KIF16B: variants seen among roughly 807,000 people sequenced by gnomAD.
KIF16B encodes the protein kinesin-like protein KIF16B.
A neutral mutation model predicts 156.3 loss-of-function variants in KIF16B; 98 were observed. The ratio of observed to expected loss-of-function variants is 0.63; its 90% CI spans 0.53 to 0.74. KIF16B has a LOEUF of 0.74. Among genes scored for constraint, KIF16B ranks in the 30% least tolerant of loss-of-function variants. The pLI is 0.00. For synonymous variants in KIF16B, 564 were observed against 583.7 expected (o/e 0.97, Z 0.49); for missense variants, 1,421 against 1,606.5 (o/e 0.88, Z 1.97).
chr20:16,361,854 T>C (rs2064558116), intron 22 of KIF16B, among the ~76,000 whole-genome samples: 1 of 152,222 alleles, frequency 6.6e-6, no homozygotes, highest in Non-Finnish European at 1.5e-5. Context: ...CCGACCAACA[T>C]TGTTTCAAGG....
At chr20:16,374,114 A>T (rs2064886339) in intron 20 of KIF16B, 143 bp downstream of exon 20, 2 of 772,114 alleles carry the variant, frequency 2.6e-6, no homozygotes, top group Admixed American at 7.4e-5. Context: ...CCAATGGCAG[A>T]TGAAGGCAGA....
chr20:16,377,747 C>A (rs1428737869), intron 19 of KIF16B, among the ~76,000 whole-genome samples: 1 of 152,150 alleles, frequency 6.6e-6, no homozygotes, highest in African/African-American at 2.4e-5. Context: ...ACCCAGGTGG[C>A]TGTTGGCCTT....
intron 25 of KIF16B, among the ~76,000 whole-genome samples, chr20:16,274,372 G>A (rs908809224): frequency 6.6e-6 from 1 of 152,206 alleles, no homozygotes; most frequent in Non-Finnish European, 1.5e-5. Flanking sequence ...CAAAGCATAT[G>A]TGAGACTAGG....
intron 12 of KIF16B, among the ~76,000 whole-genome samples, chr20:16,464,110 T>A (rs777352578): frequency 5.3e-5 from 8 of 152,168 alleles, no homozygotes; most frequent in Non-Finnish European, 1.2e-4. Flanking sequence ...TAATAATTAG[T>A]TATCAAAAGG....
At position 16,429,873 on chromosome 20, in the gene KIF16B, T is replaced by C. The variant is rs991694607; in HGVS notation, c.1412A>G (p.Tyr471Cys). ...TTAATCAGTTTCTACCTTTAAATGA[T>C]ATAAGATGATTCCAGTACTCAAAAG... The part of the protein sequence containing the change: ...DDLLSTGIIL[Y>C]HLKEGQTYVG... Residue 471 changes from tyrosine to cysteine, a missense_variant, in exon 13 of 26, where the codon TAT becomes TGT. By Grantham distance (194) the Tyr-to-Cys change is radical (BLOSUM62 -2). Transcript: ENST00000354981. 3.1e-6 allele frequency: 5 copies of C among 1,609,968 alleles called. No homozygotes were observed. The highest frequency in any genetic ancestry group is 4.2e-6 in the Non-Finnish European group (5 of 1,178,666).
At chr20:16,320,994 C>T (rs912398757) in intron 24 of KIF16B, among the ~76,000 whole-genome samples, 2 of 152,062 alleles carry the variant, frequency 1.3e-5, no homozygotes, top group African/African-American at 2.4e-5. Flanking sequence ...TCTTTCACTT[C>T]TGTTCAAGTA....
intron 23 of KIF16B, among the ~76,000 whole-genome samples, chr20:16,339,926 T>C (rs911651517): frequency 7.2e-5 from 11 of 152,196 alleles, no homozygotes; most frequent in Non-Finnish European, 1.6e-4. Context: ...TTCATTTTTT[T>C]CTCAACACAG....
chr20:16,402,860 A>C (rs2065689405), intron 17 of KIF16B, among the ~76,000 whole-genome samples: 1 of 152,196 alleles, frequency 6.6e-6, no homozygotes, highest in African/African-American at 2.4e-5. Context: ...GCATTTTGTA[A>C]ACACTGAGGA....
chr20:16,321,238 TA>T (rs2063768600), intron 24 of KIF16B, among the ~76,000 whole-genome samples: 1 of 152,130 alleles, frequency 6.6e-6, no homozygotes, highest in African/African-American at 2.4e-5. Context: ...TTTTTTCTTA[TA>T]TTTCCTTGTA....
chr20:16,472,608 G>A (rs904535422), intron 12 of KIF16B, among the ~76,000 whole-genome samples: 19 of 145,962 alleles, frequency 1.3e-4, no homozygotes, highest in African/African-American at 4.8e-4. Context: ...CAGGAACAGA[G>A]AGACTCCCAC....
intron 12 of KIF16B, among the ~76,000 whole-genome samples, chr20:16,471,426 A>G (rs2067659733): frequency 6.6e-6 from 1 of 152,198 alleles, no homozygotes; most frequent in South Asian, 2.1e-4. Context: ...ATAAGTGCTG[A>G]CACAGGTATG....
chr20:16,556,182 G>A lies in KIF16B; in HGVS notation c.47+17047C>T, dbSNP rs539567215. On this transcript the variant is annotated intron_variant, in intron 1 of 25. Transcript: ENST00000354981. ...ATCTCAGCACTAGAAGAAACTTACAGGTCACTTGGGTGCAACTTCTTTACA... is the reference window on the plus strand; with the variant it reads ...ATCTCAGCACTAGAAGAAACTTACAAGTCACTTGGGTGCAACTTCTTTACA... 6.6e-5 allele frequency among the ~76,000 whole-genome samples: 10 copies of A among 152,264 alleles called. No homozygotes were observed. In the South Asian group the frequency reaches 2.1e-3, roughly 32 times the overall value.
At chr20:16,367,648 T>A (rs775012693) in intron 22 of KIF16B, 9 of 1,612,582 alleles carry the variant, frequency 5.6e-6, no homozygotes, top group Non-Finnish European at 7.6e-6. Flanking sequence ...GTAAATCATG[T>A]CAACCAAGGT....
At chr20:16,530,285 C>G (rs1196666292) in intron 1 of KIF16B, among the ~76,000 whole-genome samples, 3 of 152,188 alleles carry the variant, frequency 2.0e-5, no homozygotes, top group Non-Finnish European at 4.4e-5. Flanking sequence ...TTGCCCTTGA[C>G]TATGGGCTGG....
In KIF16B at chr20:16,304,361, A is replaced by G. The variant is rs533758974; in HGVS notation, c.3795+7974T>C. On this transcript the variant is annotated intron_variant, in intron 25 of 25. Transcript: ENST00000354981. ...GTTGTATAAAATGATTTGACAGGCAATTAGCCTCAGGATTGCAGCATCTTC... is the reference window on the plus strand; with the variant it reads ...GTTGTATAAAATGATTTGACAGGCAGTTAGCCTCAGGATTGCAGCATCTTC... Among the ~76,000 whole-genome samples, 16 of 152,308 alleles carry G rather than the reference A, an allele frequency of 1.1e-4. No homozygotes were observed. In the East Asian group the frequency reaches 2.1e-3, roughly 20 times the overall value.
At chr20:16,543,126 A>G (rs2070268226) in intron 1 of KIF16B, among the ~76,000 whole-genome samples, 1 of 152,210 alleles carries the variant, frequency 6.6e-6, no homozygotes, top group Admixed American at 6.5e-5. Flanking sequence ...TCTGATGGTC[A>G]ACTGGGTTTG....
rs1317259206 is a variant in KIF16B, at chr20:16,312,370, C to T, written c.3760G>A (p.Glu1254Lys). ...CTTCGTCTCTCAGCAATCACACGTT[C>T]ATCCTTATTTCCAAATAGTTTCTTT... ...PPKKLFGNKD[E>K]RVIAERRSHL... Residue 1254 changes from glutamate (E) to lysine (K), a missense_variant, in exon 25 of 26, where the codon GAA becomes AAA. Physicochemically the swap from Glu to Lys is moderately conservative, Grantham distance 56. Transcript: ENST00000354981. The T allele has an allele frequency of 6.2e-7, 1 of 1,613,626 alleles. No individual in the cohort carries two copies. Among genetic ancestry groups the T allele is most frequent in the African/African-American group, 1.3e-5 (1 of 75,058 alleles).
intron 1 of KIF16B, among the ~76,000 whole-genome samples, chr20:16,565,784 A>G (rs1198172131): frequency 1.3e-5 from 2 of 152,104 alleles, no homozygotes; most frequent in Non-Finnish European, 2.9e-5. Context: ...ACGCCCTTCT[A>G]CCCACCCCAA....
chr20:16,472,751 A>C (rs1445069448), intron 12 of KIF16B, among the ~76,000 whole-genome samples: 1 of 152,040 alleles, frequency 6.6e-6, no homozygotes, highest in Non-Finnish European at 1.5e-5. Context: ...CGGCTGACTG[A>C]CCGCCTGCCT....
Sources: allele counts gnomAD v4.1 joint callset (sites outside exome capture counted in the v4.1 genomes callset), GRCh38; gene constraint gnomAD v4.1.1; transcripts MANE v1.5; gene names NCBI Gene and HGNC (gene_info 2026-07-23, HGNC 2026-07-21).